The following ARID1B variants were observed in gnomAD, a reference collection of about 807,000 sequenced individuals.
ARID1B encodes AT-rich interaction domain 1B.
Under a neutral mutation model 212.3 loss-of-function variants are expected in ARID1B, and 30 were observed. That is an observed-to-expected ratio of 0.14 (90% CI 0.11 to 0.19). The LOEUF is 0.19. Among genes scored for constraint, ARID1B ranks in the 10% least tolerant of loss-of-function variants. The probability of loss-of-function intolerance (pLI) is 1.00; values close to 1 mark genes in which losing one functional copy is unlikely to be tolerated. For synonymous variants in ARID1B, 1,402 were observed against 1,301.7 expected (o/e 1.08, Z -1.66); for missense variants, 2,891 against 3,204.0 (o/e 0.90, Z 2.36).
chr6:157,151,909 T>A (rs1254948889), intron 8 of ARID1B: 1 of 152,240 alleles, frequency 6.6e-6, no homozygotes, highest in Non-Finnish European at 1.5e-5. Context: ...GAACAAATGA[T>A]AATTTTGGAA....
intron 5 of ARID1B, among the ~76,000 whole-genome samples, chr6:157,088,058 C>T (rs2356198): frequency 0.49 from 73,923 of 152,122 alleles, 18,665 homozygotes; most frequent in Middle Eastern, 0.63. Flanking sequence ...ATTATTTTCC[C>T]TCTTTTTGCC....
chr6:157,004,919 T>G (rs1277558269), intron 4 of ARID1B, among the ~76,000 whole-genome samples: 14 of 130,536 alleles, frequency 1.1e-4, no homozygotes, highest in East Asian at 6.2e-4. Context: ...TTTTTTTTTT[T>G]TTTTTTTTTT....
intron 6 of ARID1B, among the ~76,000 whole-genome samples, chr6:157,111,945 T>C (rs1786955698): frequency 6.6e-6 from 1 of 152,180 alleles, no homozygotes; most frequent in African/African-American, 2.4e-5. Context: ...TGGGACGTTT[T>C]AAACCTCCAT....
intron 5 of ARID1B, among the ~76,000 whole-genome samples, chr6:157,098,438 G>A (rs1785809875): frequency 6.6e-6 from 1 of 152,214 alleles, no homozygotes; most frequent in African/African-American, 2.4e-5. Flanking sequence ...ACGTGGCCCA[G>A]TAGACCTTGG....
chr6:157,198,977 T>C, intron 17 of ARID1B, 70 bp downstream of exon 17: 3 of 1,270,610 alleles, frequency 2.4e-6, no homozygotes, highest in South Asian at 1.5e-5. Flanking sequence ...CTCAAACTTG[T>C]CTTACTTCTG....
intron 4 of ARID1B, among the ~76,000 whole-genome samples, chr6:156,981,087 G>A (rs1777574235): frequency 6.6e-6 from 1 of 152,146 alleles, no homozygotes; most frequent in African/African-American, 2.4e-5. Context: ...TTCATTTCTT[G>A]AGACTTGTAG....
chr6:156,778,800 C>G lies in ARID1B; in HGVS notation c.1120C>G (p.Pro374Ala), dbSNP rs1181241906. 10 of 1,501,140 alleles carry G rather than the reference C, an allele frequency of 6.7e-6. No homozygotes were observed. Among genetic ancestry groups the G allele is most frequent in the Admixed American group, 2.1e-5 (1 of 46,636 alleles). 93.0% of individuals were successfully genotyped at this position (1,501,140 alleles called of 1,614,324 possible). ...CCTGCAGAACTCCCACGAAGGGTAC[C>G]CCAACAGCCAGTGCAACCATTATCC... is the stretch of plus-strand genomic sequence containing the variant. ...DPLQNSHEGYPNSQCNHYPGY... is the reference protein window; with the variant it reads ...DPLQNSHEGYANSQCNHYPGY... Residue 374 changes from proline (P) to alanine (A), a missense_variant, in exon 1 of 20, where the codon CCC becomes GCC. Around this residue, in one of 7 missense-constraint regions of ARID1B, gnomAD observed 1,643 missense variants for 1,544.0 expected, o/e 1.06. Coordinates refer to ENST00000636930, the MANE Select transcript of ARID1B (RefSeq NM_001374828.1).
At chr6:156,902,852 A>C (rs1274130409) in intron 3 of ARID1B, among the ~76,000 whole-genome samples, 1 of 152,004 alleles carries the variant, frequency 6.6e-6, no homozygotes, top group Non-Finnish European at 1.5e-5. Context: ...GAAAATTTTA[A>C]AACACTTTAA....
At chr6:157,153,598 C>T (rs562531442) in intron 8 of ARID1B, among the ~76,000 whole-genome samples, 1 of 152,264 alleles carries the variant, frequency 6.6e-6, no homozygotes, top group South Asian at 2.1e-4. Context: ...GAGCCATTAC[C>T]TGAGCATAGG....
chr6:156,899,527 G>A (rs1392478985), intron 2 of ARID1B, among the ~76,000 whole-genome samples: 1 of 152,136 alleles, frequency 6.6e-6, no homozygotes, highest in Non-Finnish European at 1.5e-5. Context: ...GAGCATATTT[G>A]AGGGCACCCA....
Position 157,207,340 on chromosome 6 carries a change from T to C in ARID1B, c.6568T>C (p.Phe2190Leu). The C allele has an allele frequency of 6.2e-7, 1 of 1,614,158 alleles. No individual in the cohort carries two copies. Among genetic ancestry groups the C allele is most frequent in the Non-Finnish European group, 8.5e-7 (1 of 1,180,006 alleles). Residue 2190 changes from phenylalanine to leucine, a missense_variant, in exon 20 of 20, where the codon TTT becomes CTT. Phe to Leu is a conservative substitution (Grantham distance 22). Around this residue, in one of 7 missense-constraint regions of ARID1B, gnomAD observed 187 missense variants for 306.5 expected, o/e 0.61. Transcript: ENST00000636930. This position sits in a 1 kb window ranked among gnomAD's most constrained non-coding sequence, Gnocchi z 8.5. ...VCPSAEAQDP[F>L]PTVGPNSVLS... ...CCCGTCTGCAGAGGCACAAGATCCC[T>C]TTCCAACTGTGGGACCCAACTCGGT...
chr6:156,972,947 A>G (rs181163161), intron 4 of ARID1B, among the ~76,000 whole-genome samples: 178 of 152,376 alleles, frequency 1.2e-3, no homozygotes, highest in Non-Finnish European at 1.6e-3. Flanking sequence ...TTTGGTTGGT[A>G]TCTGTTAATA....
chr6:157,182,059 G>C (rs967876736), intron 12 of ARID1B, among the ~76,000 whole-genome samples: 2 of 152,206 alleles, frequency 1.3e-5, no homozygotes, highest in South Asian at 4.1e-4. Context: ...ACTAGCCTGG[G>C]GACCCCAGTA....
intron 4 of ARID1B, among the ~76,000 whole-genome samples, chr6:157,083,573 A>G (rs933000037): frequency 6.6e-6 from 1 of 152,118 alleles, no homozygotes; most frequent in Non-Finnish European, 1.5e-5. Context: ...TAGCACCTAC[A>G]GTCTGTCCTC....
chr6:157,028,339 A>C (rs1190247675), intron 4 of ARID1B, among the ~76,000 whole-genome samples: 1 of 152,224 alleles, frequency 6.6e-6, no homozygotes, highest in Admixed American at 6.5e-5. Context: ...AAGAAGAAAT[A>C]GTTATTAATT....
At chr6:156,805,034 A>G (rs1781059377) in intron 1 of ARID1B, among the ~76,000 whole-genome samples, 1 of 152,198 alleles carries the variant, frequency 6.6e-6, no homozygotes, top group Non-Finnish European at 1.5e-5. Flanking sequence ...TAAACATCTC[A>G]CTAAATTTTA....
At chr6:157,149,079 T>C in intron 8 of ARID1B, 128 bp downstream of exon 8, 1 of 973,004 alleles carries the variant, frequency 1.0e-6, no homozygotes, top group Non-Finnish European at 1.5e-6. Context: ...TGCTTGGCCG[T>C]TCTTTTTGTG....
intron 2 of ARID1B, among the ~76,000 whole-genome samples, chr6:156,854,616 A>C (rs1562436939): frequency 6.6e-6 from 1 of 152,250 alleles, no homozygotes; most frequent in Non-Finnish European, 1.5e-5. Context: ...CCTGTTCCAC[A>C]GTGCTTACAG....
At chr6:156,806,984 C>T (rs1001765464) in intron 1 of ARID1B, among the ~76,000 whole-genome samples, 3 of 152,278 alleles carry the variant, frequency 2.0e-5, no homozygotes, top group South Asian at 2.1e-4. Flanking sequence ...CTTTTGATTT[C>T]TTTCCCCCAA....
Sources: allele counts gnomAD v4.1 joint callset (sites outside exome capture counted in the v4.1 genomes callset), GRCh38; gene constraint gnomAD v4.1.1; regional missense constraint gnomAD v4.1.1; non-coding constraint Gnocchi (gnomAD v3.1); transcripts MANE v1.5; gene names NCBI Gene and HGNC (gene_info 2026-07-23, HGNC 2026-07-21).